The following CCDC170 variants were observed in gnomAD, a reference collection of about 807,000 sequenced individuals.
CCDC170 encodes coiled-coil domain containing 170.
CCDC170 carries 69 observed loss-of-function variants against 72.6 expected under a neutral mutation model. The observed-to-expected ratio is 0.95, with a 90% CI of 0.78 to 1.16. The LOEUF is 1.16. Ranked by LOEUF, CCDC170 falls within the 50% of genes most tolerant of loss-of-function variation. The pLI, the probability that CCDC170 is intolerant of heterozygous loss-of-function variation, is 0.00. For synonymous variants in CCDC170, 300 were observed against 303.9 expected (o/e 0.99, Z 0.13); for missense variants, 852 against 832.5 (o/e 1.02, Z -0.29).
intron 9 of CCDC170, among the ~76,000 whole-genome samples, chr6:151,601,163 C>T (rs988050362): frequency 2.6e-5 from 4 of 152,110 alleles, no homozygotes; most frequent in East Asian, 3.8e-4. Flanking sequence ...TCTTACATGG[C>T]GGTGGCAAGA....
At chr6:151,592,322 T>G (rs1288753384) in intron 7 of CCDC170, among the ~76,000 whole-genome samples, 2 of 152,164 alleles carry the variant, frequency 1.3e-5, no homozygotes, top group African/African-American at 4.8e-5. Context: ...ATCAAGCCAC[T>G]GTACTCCAGC....
intron 9 of CCDC170, among the ~76,000 whole-genome samples, chr6:151,612,597 C>T (rs943959024): frequency 8.5e-5 from 13 of 152,122 alleles, no homozygotes; most frequent in East Asian, 3.9e-4. Flanking sequence ...CTTCATTTTT[C>T]TCCCCACTTC....
Position 151,546,458 on chromosome 6 carries a change from T to C in CCDC170, c.588+1742T>C, listed in dbSNP as rs376399162. Among the ~76,000 whole-genome samples, 64 of 152,284 alleles carry C rather than the reference T, an allele frequency of 4.2e-4. No homozygotes were observed. The South Asian group carries it at 0.013, about 30-fold the overall frequency. ...TTCTACTACATTTATCATGTCCTTG[T>C]CTTTTCTGTATTTCTAATGCTTTGA... On this transcript the variant is annotated intron_variant, in intron 4 of 10. Transcript: ENST00000239374.
chr6:151,583,636 T>G (rs1776410080), intron 6 of CCDC170, among the ~76,000 whole-genome samples: 1 of 152,008 alleles, frequency 6.6e-6, no homozygotes, highest in African/African-American at 2.4e-5. Flanking sequence ...TTTTGTATTT[T>G]CAGTAGAGAT....
chr6:151,600,208 A>G (rs957965956), intron 9 of CCDC170, among the ~76,000 whole-genome samples: 2 of 152,190 alleles, frequency 1.3e-5, no homozygotes, highest in Non-Finnish European at 2.9e-5. Flanking sequence ...TCTGAAATCA[A>G]TTTCCAAGAC....
intron 9 of CCDC170, among the ~76,000 whole-genome samples, chr6:151,614,180 TCA>T (rs1776920149): frequency 6.6e-6 from 1 of 152,152 alleles, no homozygotes; most frequent in Non-Finnish European, 1.5e-5. Context: ...TTAAGTACAT[TCA>T]CAGTGTTGTG....
chr6:151,563,003 G>A (rs1325303743), intron 5 of CCDC170, among the ~76,000 whole-genome samples: 1 of 152,216 alleles, frequency 6.6e-6, no homozygotes. Context: ...GCCACAGTGT[G>A]GCTGCAGGCC....
intron 8 of CCDC170, among the ~76,000 whole-genome samples, chr6:151,594,190 G>A (rs1776587158): frequency 6.6e-6 from 1 of 152,190 alleles, no homozygotes; most frequent in South Asian, 2.1e-4. Context: ...TAGTTCTTAG[G>A]AGAGAAATGC....
At position 151,536,721 on chromosome 6, in the gene CCDC170, G is replaced by A. The variant is rs1218915881; in HGVS notation, c.186+275G>A. Among the ~76,000 whole-genome samples the A allele has an allele frequency of 2.1e-5, 3 of 139,730 alleles. No homozygotes were observed. The East Asian group carries it at 6.6e-4, about 31-fold the overall frequency. 91.7% of individuals were successfully genotyped at this position (139,730 alleles called of 152,430 possible). ...ATCCGGGAGGTGGAGGTTGCAGTGA[G>A]GCGAGATCACAGTACTGCACTCCAG... On this transcript the variant is annotated intron_variant, in intron 2 of 10. Transcript: ENST00000239374.
At chr6:151,526,248 C>T (rs1158422136) in intron 1 of CCDC170, among the ~76,000 whole-genome samples, 7 of 149,856 alleles carry the variant, frequency 4.7e-5, no homozygotes, top group African/African-American at 1.7e-4. Flanking sequence ...TTTGAGATGG[C>T]GTCTCTCTCT....
chr6:151,541,865 AAT>A (rs1182684013), intron 3 of CCDC170, among the ~76,000 whole-genome samples: 6,180 of 120,046 alleles, frequency 0.051, 397 homozygotes, highest in African/African-American at 0.17. Flanking sequence ...TATAAATATA[AAT>A]ATATATATAT....
intron 9 of CCDC170, among the ~76,000 whole-genome samples, chr6:151,610,837 C>T (rs1034010969): frequency 6.6e-6 from 1 of 152,146 alleles, no homozygotes; most frequent in African/African-American, 2.4e-5. Flanking sequence ...CAGCTGTTGA[C>T]ATTTTATTTT....
intron 1 of CCDC170, among the ~76,000 whole-genome samples, chr6:151,516,794 T>A (rs868032831): frequency 4.6e-5 from 7 of 152,318 alleles, no homozygotes; most frequent in South Asian, 2.1e-4. Flanking sequence ...GATGTTTACC[T>A]AGTGCGTGGG....
At chr6:151,589,978 G>T (rs1386587339) in intron 7 of CCDC170, among the ~76,000 whole-genome samples, 3 of 152,006 alleles carry the variant, frequency 2.0e-5, no homozygotes, top group Non-Finnish European at 4.4e-5. Context: ...AGCAGCACTC[G>T]TCTGGCGTCC....
chr6:151,509,234 C>CTATG (rs1479057931), intron 1 of CCDC170, among the ~76,000 whole-genome samples: 51 of 151,624 alleles, frequency 3.4e-4, no homozygotes, highest in South Asian at 4.2e-4. Context: ...ATCTATCTAT[C>CTATG]TATCTATCTA....
At chr6:151,521,458 G>T (rs564824545) in intron 1 of CCDC170, among the ~76,000 whole-genome samples, 2 of 152,176 alleles carry the variant, frequency 1.3e-5, no homozygotes, top group Non-Finnish European at 2.9e-5. Context: ...TATCAGAGGC[G>T]TTCAAATCAG....
intron 5 of CCDC170, 65 bp from the exon 6 acceptor site, chr6:151,573,109 A>C (rs1342031246): frequency 7.0e-7 from 1 of 1,420,572 alleles, no homozygotes; most frequent in Non-Finnish European, 9.6e-7. Context: ...AATTTGCCAT[A>C]GCAAATGCAG....
At chr6:151,517,766 G>A (rs1270574294) in intron 1 of CCDC170, among the ~76,000 whole-genome samples, 3 of 151,958 alleles carry the variant, frequency 2.0e-5, no homozygotes, top group African/African-American at 7.3e-5. Context: ...CTTAACTCCT[G>A]TATCAATGTG....
intron 1 of CCDC170, among the ~76,000 whole-genome samples, chr6:151,517,749 A>G (rs959563505): frequency 1.6e-4 from 25 of 152,004 alleles, no homozygotes; most frequent in Middle Eastern, 3.4e-3. Flanking sequence ...GCCACTAATA[A>G]TTTCTTCTTA....
Sources: allele counts gnomAD v4.1 joint callset (sites outside exome capture counted in the v4.1 genomes callset), GRCh38; gene constraint gnomAD v4.1.1; transcripts MANE v1.5; gene names NCBI Gene and HGNC (gene_info 2026-07-23, HGNC 2026-07-21).